The following ZBTB20 variants were observed in gnomAD, a reference collection of about 807,000 sequenced individuals.
ZBTB20 encodes zinc finger and BTB domain containing 20, also known as zinc finger and BTB domain-containing protein 20.
Under a neutral mutation model 56.9 loss-of-function variants are expected in ZBTB20, and 9 were observed. The ratio of observed to expected loss-of-function variants is 0.16; its 90% confidence interval spans 0.10 to 0.28. The LOEUF (loss-of-function observed/expected upper bound fraction) is 0.28. Ranked by LOEUF, ZBTB20 falls within the 10% of genes least tolerant of loss-of-function variation. The probability of loss-of-function intolerance (pLI) is 1.00; values close to 1 mark genes in which losing one functional copy is unlikely to be tolerated. For missense variants in ZBTB20, 655 were observed against 1,003.0 expected (o/e 0.65, Z 4.69); for synonymous variants, 417 against 420.7 (o/e 0.99, Z 0.11).
chr3:114,685,997 T>G lies in ZBTB20; in HGVS notation c.-295+7531A>C, dbSNP rs1033841741. Among the ~76,000 whole-genome samples the G allele has an allele frequency of 3.3e-5, 5 of 152,142 alleles. No homozygotes were observed. In the East Asian group the frequency reaches 7.7e-4, roughly 23 times the overall value. On this transcript the variant is annotated intron_variant, in intron 6 of 11. Transcript: ENST00000675478. ...TTTATAGAACATTCAAATCACCCAATGTTCCAGGACCTGAATTTTTTATAT... is the reference window on the plus strand; with the variant it reads ...TTTATAGAACATTCAAATCACCCAAGGTTCCAGGACCTGAATTTTTTATAT...
At chr3:115,121,597 T>TG (rs2084183746) in intron 1 of ZBTB20, among the ~76,000 whole-genome samples, 7 of 152,006 alleles carry the variant, frequency 4.6e-5, no homozygotes, top group Admixed American at 4.6e-4. Flanking sequence ...CTATTGTCTA[T>TG]GGGGGAGGAG....
intron 6 of ZBTB20, among the ~76,000 whole-genome samples, chr3:114,631,809 G>C (rs576557487): frequency 3.3e-4 from 50 of 152,216 alleles, no homozygotes; most frequent in African/African-American, 1.2e-3. Flanking sequence ...GACCAATTTG[G>C]TAAACTATGA....
rs1317227676 is a variant in ZBTB20 at position 114,946,097 on chromosome 3, T to C, written c.-456+28269A>G. ...ATTTTGACATATTTCTCTCAGTAAA[T>C]GATAGAACTTGGTAAAAAGTTGGTA... is the stretch of plus-strand genomic sequence containing the variant. On this transcript the variant is annotated intron_variant, in intron 3 of 11. Transcript: ENST00000675478. Among the ~76,000 whole-genome samples the C allele has an allele frequency of 2.7e-5, 4 of 145,458 alleles. 2 individuals are homozygous for C. The highest frequency in any genetic ancestry group is 1.1e-4 in the African/African-American group (4 of 35,800).
chr3:115,067,403 T>C (rs2082245441), intron 2 of ZBTB20, among the ~76,000 whole-genome samples: 1 of 152,016 alleles, frequency 6.6e-6, no homozygotes. Context: ...TTAAAAAATT[T>C]ATATATATAC....
Position 114,465,430 on chromosome 3 carries a change from G to C in ZBTB20, c.-255+34922C>G, listed in dbSNP as rs1576910116. On this transcript the variant is annotated intron_variant, in intron 7 of 11. Transcript: ENST00000675478. The stretch of plus-strand genomic sequence containing the variant: ...TAGTTCAGAAAAAGGATAGGGGCCA[G>C]GTGCGGTGGCTCATGCCTGTAATCC... Among the ~76,000 whole-genome samples, 4 of 152,344 alleles carry C rather than the reference G, an allele frequency of 2.6e-5. No individual in the cohort carries two copies. In the South Asian group the frequency reaches 8.3e-4, roughly 32 times the overall value.
At chr3:114,792,680 T>C (rs1421486659) in intron 5 of ZBTB20, among the ~76,000 whole-genome samples, 2 of 152,048 alleles carry the variant, frequency 1.3e-5, no homozygotes, top group African/African-American at 4.8e-5. Context: ...GCTCCTAAAG[T>C]TGGCACACAT....
intron 6 of ZBTB20, among the ~76,000 whole-genome samples, chr3:114,661,112 A>G (rs2060697440): frequency 6.6e-6 from 1 of 152,102 alleles, no homozygotes; most frequent in Non-Finnish European, 1.5e-5. Context: ...TAGACTGTTC[A>G]CATTGTACTC....
intron 7 of ZBTB20, among the ~76,000 whole-genome samples, chr3:114,499,853 CAAA>C (rs918232515): frequency 6.6e-6 from 1 of 151,828 alleles, no homozygotes; most frequent in Non-Finnish European, 1.5e-5. Context: ...TAATTTTGCA[CAAA>C]AGTTTAGTCT....
chr3:114,438,424 A>AC (rs2108940242), intron 7 of ZBTB20, among the ~76,000 whole-genome samples: 1 of 124,588 alleles, frequency 8.0e-6, no homozygotes, highest in African/African-American at 3.0e-5. Context: ...GCCAAAAAAA[A>AC]ACAAAAAAAA....
intron 7 of ZBTB20, among the ~76,000 whole-genome samples, chr3:114,483,388 G>A (rs777552716): frequency 6.6e-6 from 1 of 151,920 alleles, no homozygotes; most frequent in Non-Finnish European, 1.5e-5. Flanking sequence ...TATAAGGAGA[G>A]TAAATAAGCA....
intron 7 of ZBTB20, among the ~76,000 whole-genome samples, chr3:114,462,739 C>A (rs1308066694): frequency 6.6e-6 from 1 of 152,172 alleles, no homozygotes; most frequent in Non-Finnish European, 1.5e-5. Flanking sequence ...CCAGATTAGA[C>A]ACAACTATGA....
chr3:114,348,316 T>A (rs1292112498), intron 11 of ZBTB20, among the ~76,000 whole-genome samples: 1 of 152,218 alleles, frequency 6.6e-6, no homozygotes, highest in South Asian at 2.1e-4. Flanking sequence ...TAATGGCTTA[T>A]AAATCAGCTA....
At chr3:114,575,712 A>T (rs1337309165) in intron 6 of ZBTB20, among the ~76,000 whole-genome samples, 1 of 152,188 alleles carries the variant, frequency 6.6e-6, no homozygotes, top group Admixed American at 6.5e-5. Context: ...TGCTATATAT[A>T]TTCAAGAATC....
chr3:114,964,923 T>C (rs2077591428), intron 3 of ZBTB20, among the ~76,000 whole-genome samples: 1 of 152,172 alleles, frequency 6.6e-6, no homozygotes, highest in Non-Finnish European at 1.5e-5. Flanking sequence ...ATTTTCAAAT[T>C]TCAAACCTCC....
chr3:114,384,134 C>CTCTCAT (rs2084779892), intron 8 of ZBTB20, among the ~76,000 whole-genome samples: 1 of 151,010 alleles, frequency 6.6e-6, no homozygotes, highest in African/African-American at 2.4e-5. Context: ...CTCTCATTCT[C>CTCTCAT]TCTCTCTCTC....
At chr3:114,848,050 G>A (rs1579141017) in intron 4 of ZBTB20, among the ~76,000 whole-genome samples, 1 of 151,996 alleles carries the variant, frequency 6.6e-6, no homozygotes, top group East Asian at 1.9e-4. Flanking sequence ...ATGAACATAA[G>A]AAAAACAATT....
chr3:114,589,732 T>C (rs1184704244), intron 6 of ZBTB20, among the ~76,000 whole-genome samples: 1 of 152,194 alleles, frequency 6.6e-6, no homozygotes, highest in Non-Finnish European at 1.5e-5. Context: ...CCCACCAACC[T>C]GTGAACACTC....
At chr3:114,431,134 C>G (rs1279543245) in intron 7 of ZBTB20, among the ~76,000 whole-genome samples, 1 of 152,044 alleles carries the variant, frequency 6.6e-6, no homozygotes, top group Non-Finnish European at 1.5e-5. Flanking sequence ...ACAGAAAAAG[C>G]AGGAAAAAGT....
chr3:114,390,759 T>G (rs888217866), intron 7 of ZBTB20, among the ~76,000 whole-genome samples: 2 of 152,214 alleles, frequency 1.3e-5, no homozygotes, highest in African/African-American at 4.8e-5. Flanking sequence ...CATTCAGTGT[T>G]TATATAGCAT....
Sources: gnomAD v4.1 joint callset for allele counts (sites outside exome capture counted in the v4.1 genomes callset) on GRCh38, gnomAD v4.1.1 for gene constraint, MANE v1.5 for transcripts, NCBI Gene and HGNC (gene_info 2026-07-23, HGNC 2026-07-21) for gene names.